Variants in DLG2 observed in about 807,000 individuals in gnomAD.
The protein encoded by DLG2 is discs large MAGUK scaffold protein 2.
Under a neutral mutation model 132.5 loss-of-function variants are expected in DLG2, and 45 were observed. The observed-to-expected ratio is 0.34, with a 90% CI of 0.27 to 0.44. DLG2 has a LOEUF of 0.44. DLG2 is among the 20% of genes least tolerant of loss of function. The probability of loss-of-function intolerance (pLI) is 1.00; values close to 1 mark genes in which losing one functional copy is unlikely to be tolerated. For synonymous variants in DLG2, 424 were observed against 419.6 expected (o/e 1.01, Z -0.13); for missense variants, 1,045 against 1,196.9 (o/e 0.87, Z 1.87).
chr11:83,692,657 A>C (rs779507208), intron 18 of DLG2, among the ~76,000 whole-genome samples: 2 of 152,220 alleles, frequency 1.3e-5, no homozygotes, highest in Non-Finnish European at 2.9e-5. Context: ...AAAATAATGT[A>C]GGTAAAGGGC....
rs766209675 is a variant in DLG2, at chr11:85,020,631, A to T, written c.357+91030T>A. Among the ~76,000 whole-genome samples the T allele has an allele frequency of 2.6e-5, 4 of 152,116 alleles. No homozygotes were observed. The East Asian group carries it at 5.8e-4, about 22-fold the overall frequency. On this transcript the variant is annotated intron_variant, in intron 6 of 27. Transcript: ENST00000376104. ...AGTCTTTAATCCATCTTGAATTTTT[A>T]TACTGATCTTTGACAAACCTGATAC...
At chr11:84,028,856 TCTAA>T (rs1379120322) in intron 11 of DLG2, among the ~76,000 whole-genome samples, 2 of 152,152 alleles carry the variant, frequency 1.3e-5, no homozygotes, top group African/African-American at 2.4e-5. Flanking sequence ...CTCAAAATGA[TCTAA>T]CTATTTACAT....
At chr11:83,632,995 C>G in intron 19 of DLG2, 1 of 510,060 alleles carries the variant, frequency 2.0e-6, no homozygotes, top group Non-Finnish European at 3.5e-6. Context: ...ATAACTTTGC[C>G]AAAGAATAAC....
intron 10 of DLG2, among the ~76,000 whole-genome samples, chr11:84,086,034 T>C (rs1329368619): frequency 6.6e-6 from 1 of 152,202 alleles, no homozygotes; most frequent in Non-Finnish European, 1.5e-5. Context: ...CAGGGTCAAA[T>C]ACCTGTTTAG....
intron 3 of DLG2, among the ~76,000 whole-genome samples, chr11:85,547,496 T>C (rs2076407919): frequency 6.6e-6 from 1 of 152,174 alleles, no homozygotes; most frequent in Non-Finnish European, 1.5e-5. Context: ...ATCTTTGCGG[T>C]GTTCTCTGTA....
intron 6 of DLG2, among the ~76,000 whole-genome samples, chr11:84,618,501 T>G (rs914541858): frequency 1.3e-5 from 2 of 151,924 alleles, no homozygotes; most frequent in African/African-American, 2.4e-5. Flanking sequence ...TCCTATCAAC[T>G]AAAACCAGAA....
rs143897667 is a variant in DLG2, at chr11:85,112,292, T to G, written c.283-557A>C. Among the ~76,000 whole-genome samples the G allele has an allele frequency of 4.4e-3, 666 of 152,198 alleles. 3 individuals carry two copies. The highest frequency in any genetic ancestry group is 7.3e-3 in the Non-Finnish European group (494 of 67,986). On this transcript the variant is annotated intron_variant, in intron 5 of 27. Coordinates refer to ENST00000376104, the MANE Select transcript of DLG2 (RefSeq NM_001142699.3). ...ACAATTTTCTCAAGGAGTCAGAAAT[T>G]TGACATTCTAAACCATTTTCCAGGC...
At chr11:84,132,137 G>A (rs1397750293) in intron 9 of DLG2, among the ~76,000 whole-genome samples, 1 of 151,930 alleles carries the variant, frequency 6.6e-6, no homozygotes, top group Non-Finnish European at 1.5e-5. Flanking sequence ...AGCAGGGCAT[G>A]ACCTGTTTTT....
chr11:85,099,560 G>A (rs1426373677), intron 6 of DLG2, among the ~76,000 whole-genome samples: 1 of 151,990 alleles, frequency 6.6e-6, no homozygotes, highest in Non-Finnish European at 1.5e-5. Flanking sequence ...ATGTTGTATG[G>A]CCTTCTATTT....
intron 7 of DLG2, among the ~76,000 whole-genome samples, chr11:84,478,433 C>A (rs2099127653): frequency 1.3e-5 from 2 of 152,096 alleles, no homozygotes; most frequent in African/African-American, 2.4e-5. Context: ...CCATCAATTT[C>A]ATCGGCAGCA....
intron 18 of DLG2, among the ~76,000 whole-genome samples, chr11:83,664,878 G>A (rs1037979026): frequency 1.3e-5 from 2 of 152,108 alleles, no homozygotes; most frequent in African/African-American, 4.8e-5. Context: ...ACTGAGTCCT[G>A]GAAGACACTA....
chr11:85,290,783 ATC>A lies in DLG2; in HGVS notation c.41-5420_41-5419del, dbSNP rs1189452017. Among the ~76,000 whole-genome samples, 3 of 151,952 alleles carry A rather than the reference ATC, an allele frequency of 2.0e-5. No individual in the cohort carries two copies. In the East Asian group the frequency reaches 5.8e-4, roughly 29 times the overall value. On this transcript the variant is annotated intron_variant, in intron 3 of 27. Coordinates refer to ENST00000376104, the MANE Select transcript of DLG2 (RefSeq NM_001142699.3). ...GCTGAGAGAGCCCCTATTCAGTCCA[ATC>A]TCTCTCTCTTTTAACCTACACTCCT...
intron 18 of DLG2, among the ~76,000 whole-genome samples, chr11:83,745,935 C>T (rs1162446354): frequency 6.6e-6 from 1 of 152,178 alleles, no homozygotes; most frequent in African/African-American, 2.4e-5. Flanking sequence ...ACAGACACTT[C>T]TCAAAAGAAG....
chr11:85,182,768 T>A (rs2079806940), intron 4 of DLG2, among the ~76,000 whole-genome samples: 2 of 150,194 alleles, frequency 1.3e-5, no homozygotes, highest in African/African-American at 2.4e-5. Flanking sequence ...ACTAGCAAAG[T>A]AAAAATCCTG....
chr11:85,306,979 G>A (rs188313024), intron 3 of DLG2, among the ~76,000 whole-genome samples: 32 of 152,332 alleles, frequency 2.1e-4, no homozygotes, highest in Admixed American at 5.9e-4. Context: ...GGGAACTCAT[G>A]ACAAAGTCAA....
intron 6 of DLG2, among the ~76,000 whole-genome samples, chr11:84,794,672 G>A (rs750518981): frequency 5.9e-5 from 9 of 152,172 alleles, no homozygotes; most frequent in East Asian, 1.9e-4. Flanking sequence ...GCCTGCTCCC[G>A]CTCCCTGGTC....
At chr11:84,745,313 T>C (rs879630690) in intron 6 of DLG2, among the ~76,000 whole-genome samples, 1 of 152,192 alleles carries the variant, frequency 6.6e-6, no homozygotes, top group Non-Finnish European at 1.5e-5. Flanking sequence ...ATTCTGTTAG[T>C]GCTGTTCTTG....
intron 3 of DLG2, among the ~76,000 whole-genome samples, chr11:85,446,820 T>C (rs2092031580): frequency 6.6e-6 from 1 of 151,938 alleles, no homozygotes; most frequent in African/African-American, 2.4e-5. Flanking sequence ...TGTGTGTGTG[T>C]GTGTGTTTAT....
intron 3 of DLG2, among the ~76,000 whole-genome samples, chr11:85,534,764 T>C (rs2075458806): frequency 1.3e-5 from 2 of 152,232 alleles, no homozygotes; most frequent in Admixed American, 6.5e-5. Context: ...CTTGGCTCCA[T>C]GTGTTTGCTA....
Sources: gnomAD v4.1 joint callset for allele counts (sites outside exome capture counted in the v4.1 genomes callset) on GRCh38, gnomAD v4.1.1 for gene constraint, MANE v1.5 for transcripts, NCBI Gene and HGNC (gene_info 2026-07-23, HGNC 2026-07-21) for gene names.